The following NTM variants were observed in gnomAD, a reference collection of about 807,000 sequenced individuals.
NTM encodes IgLON family member 2.
A neutral mutation model predicts 42.1 loss-of-function variants in NTM; 13 were observed. The observed-to-expected ratio is 0.31, with a 90% CI of 0.20 to 0.49. The LOEUF is 0.49. Ranked by LOEUF, NTM falls within the 20% of genes least tolerant of loss-of-function variation. The pLI is 0.99. For synonymous variants in NTM, 187 were observed against 179.2 expected (o/e 1.04, Z -0.35); for missense variants, 373 against 452.8 (o/e 0.82, Z 1.60).
At chr11:131,645,111 G>GT (rs2065612584) in intron 1 of NTM, among the ~76,000 whole-genome samples, 1 of 152,134 alleles carries the variant, frequency 6.6e-6, no homozygotes, top group South Asian at 2.1e-4. Context: ...ATTATTTATA[G>GT]TAAGTATACC....
intron 1 of NTM, among the ~76,000 whole-genome samples, chr11:131,448,369 C>A (rs993115430): frequency 6.6e-6 from 1 of 152,230 alleles, no homozygotes; most frequent in African/African-American, 2.4e-5. Context: ...ACTGTCCCTG[C>A]CCCACACAGG....
At chr11:131,583,654 A>G (rs757250292) in intron 1 of NTM, among the ~76,000 whole-genome samples, 1 of 152,212 alleles carries the variant, frequency 6.6e-6, no homozygotes, top group Admixed American at 6.5e-5. Context: ...AATATCTGCT[A>G]AACACAGATG....
intron 2 of NTM, among the ~76,000 whole-genome samples, chr11:131,942,816 C>T (rs1003957017): frequency 1.3e-5 from 2 of 151,852 alleles, no homozygotes; most frequent in Non-Finnish European, 2.9e-5. Flanking sequence ...CATGGTGACA[C>T]GTGTCTGTAA....
At chr11:131,543,707 G>T (rs1185864309) in intron 1 of NTM, among the ~76,000 whole-genome samples, 1 of 152,158 alleles carries the variant, frequency 6.6e-6, no homozygotes, top group African/African-American at 2.4e-5. Context: ...AGAAGCACAG[G>T]TTCGAGCGCT....
chr11:132,261,518 T>G (rs918698069), intron 4 of NTM, among the ~76,000 whole-genome samples: 1 of 152,214 alleles, frequency 6.6e-6, no homozygotes, highest in Non-Finnish European at 1.5e-5. Flanking sequence ...GATCCTGGTC[T>G]TCTTCTTTGT....
chr11:131,818,130 T>C (rs2093028227), intron 1 of NTM, among the ~76,000 whole-genome samples: 1 of 152,124 alleles, frequency 6.6e-6, no homozygotes, highest in African/African-American at 2.4e-5. Flanking sequence ...ATCTCCCTCC[T>C]TGCTTCAGAA....
chr11:131,598,683 T>TTTCC lies in NTM; in HGVS notation c.82+227797_82+227798insCCTT, dbSNP rs1488452817. Among the ~76,000 whole-genome samples the TTTCC allele has an allele frequency of 6.3e-4, 47 of 74,876 alleles. 10 individuals are homozygous for TTTCC. The highest frequency in any genetic ancestry group is 1.3e-3 in the Non-Finnish European group (43 of 33,600). The allele number at this position is 74,876 out of a possible 152,430, so 49.1% of individuals were successfully genotyped here. On this transcript the variant is annotated intron_variant, in intron 1 of 8. Coordinates refer to ENST00000683400, the MANE Select transcript of NTM (RefSeq NM_001352005.2). ...AGAACTACTACTCTCTTCTCATTTG[T>TTTCC]TTTCTTTCTTTCTTTCTTTCTTTCT...
intron 2 of NTM, among the ~76,000 whole-genome samples, chr11:131,944,620 C>T (rs892624253): frequency 6.6e-6 from 1 of 152,196 alleles, no homozygotes; most frequent in African/African-American, 2.4e-5. Context: ...ATCTGAATTG[C>T]AACATGCACT....
chr11:131,487,232 C>G (rs1954275558), intron 1 of NTM, among the ~76,000 whole-genome samples: 1 of 152,272 alleles, frequency 6.6e-6, no homozygotes, highest in African/African-American at 2.4e-5. Context: ...TTGTTATAGC[C>G]TCGTGTTTTG....
intron 1 of NTM, among the ~76,000 whole-genome samples, chr11:131,402,185 G>A (rs1945313310): frequency 6.6e-6 from 1 of 151,456 alleles, no homozygotes; most frequent in South Asian, 2.1e-4. Flanking sequence ...ATAATGTTAT[G>A]GATGCAACAC....
chr11:132,219,323 T>C (rs2084612620), intron 4 of NTM, among the ~76,000 whole-genome samples: 1 of 152,178 alleles, frequency 6.6e-6, no homozygotes, highest in Non-Finnish European at 1.5e-5. Flanking sequence ...CAAGGGCCTC[T>C]GACTACTCCT....
intron 1 of NTM, among the ~76,000 whole-genome samples, chr11:131,801,093 G>T (rs910728680): frequency 4.4e-4 from 67 of 152,288 alleles, no homozygotes; most frequent in Non-Finnish European, 2.1e-4. Flanking sequence ...GTTGGGGGAA[G>T]ATTAGCACTT....
At chr11:131,895,742 A>C (rs1013398237) in intron 1 of NTM, among the ~76,000 whole-genome samples, 2 of 152,158 alleles carry the variant, frequency 1.3e-5, no homozygotes, top group South Asian at 4.1e-4. Flanking sequence ...GATTTCAACT[A>C]ATAGAAAAGA....
chr11:132,300,411 AGAACT>A (rs2094800685), intron 4 of NTM, among the ~76,000 whole-genome samples: 1 of 152,234 alleles, frequency 6.6e-6, no homozygotes, highest in African/African-American at 2.4e-5. Context: ...TGAAGTGCAC[AGAACT>A]GAACTGTCAG....
chr11:132,050,901 G>A (rs148669381), intron 2 of NTM, among the ~76,000 whole-genome samples: 1 of 152,184 alleles, frequency 6.6e-6, no homozygotes, highest in African/African-American at 2.4e-5. Flanking sequence ...GCCTTGTCTG[G>A]TTCTTCTTCT....
At position 131,774,982 on chromosome 11, in the gene NTM, G is replaced by A. The variant is rs147175144; in HGVS notation, c.83-136582G>A. Among the ~76,000 whole-genome samples the A allele has an allele frequency of 3.1e-3, 472 of 152,268 alleles. 8 individuals are homozygous for A. The highest frequency in any genetic ancestry group is 0.026 in the Admixed American group (402 of 15,296). ...AGGTTCAGCAAATGCACATCTCTCT[G>A]GGAGTTTTGTTTCCATGGGAGTTGA... is the stretch of plus-strand genomic sequence containing the variant. On this transcript the variant is annotated intron_variant, in intron 1 of 8. Coordinates refer to ENST00000683400, the MANE Select transcript of NTM (RefSeq NM_001352005.2).
intron 1 of NTM, among the ~76,000 whole-genome samples, chr11:131,771,874 G>A (rs959459205): frequency 1.3e-5 from 2 of 152,174 alleles, no homozygotes; most frequent in African/African-American, 4.8e-5. Flanking sequence ...GAAGAAGTCT[G>A]GATGAAACAT....
At chr11:131,457,016 A>C (rs1446445808) in intron 1 of NTM, among the ~76,000 whole-genome samples, 2 of 152,282 alleles carry the variant, frequency 1.3e-5, no homozygotes, top group East Asian at 3.9e-4. Context: ...TGCAATGTTT[A>C]TTTCAGGGAA....
chr11:131,712,173 T>C (rs1236317363), intron 1 of NTM, among the ~76,000 whole-genome samples: 1 of 133,986 alleles, frequency 7.5e-6, no homozygotes, highest in African/African-American at 2.8e-5. Context: ...ATTAAAAAAT[T>C]AAAAAAAAAA....
Sources: gnomAD v4.1 joint callset for allele counts (sites outside exome capture counted in the v4.1 genomes callset) on GRCh38, gnomAD v4.1.1 for gene constraint, MANE v1.5 for transcripts, NCBI Gene and HGNC (gene_info 2026-07-23, HGNC 2026-07-21) for gene names.